SLC20A2: variants seen among roughly 807,000 people sequenced by gnomAD.
SLC20A2 encodes solute carrier family 20 member 2.
A neutral mutation model predicts 61.0 loss-of-function variants in SLC20A2; 30 were observed. That is an observed-to-expected ratio of 0.49 (90% CI 0.37 to 0.67). The LOEUF (loss-of-function observed/expected upper bound fraction) is 0.67, where lower values mean the gene tolerates loss of function less well. Among genes scored for constraint, SLC20A2 ranks in the 30% least tolerant of loss-of-function variants. SLC20A2 has a pLI of 0.00. For synonymous variants in SLC20A2, 351 were observed against 353.3 expected (o/e 0.99, Z 0.07); for missense variants, 626 against 866.4 (o/e 0.72, Z 3.48).
intron 8 of SLC20A2, among the ~76,000 whole-genome samples, chr8:42,434,311 G>A (rs1804078226): frequency 1.3e-5 from 2 of 152,182 alleles, no homozygotes; most frequent in Non-Finnish European, 1.5e-5. Context: ...GGTCTTGAAC[G>A]CCCGACCTCA....
At chr8:42,436,251 T>C (rs886564753) in intron 8 of SLC20A2, among the ~76,000 whole-genome samples, 1 of 152,078 alleles carries the variant, frequency 6.6e-6, no homozygotes, top group Non-Finnish European at 1.5e-5. Flanking sequence ...TCCACCCACG[T>C]TACCTGCTCT....
intron 1 of SLC20A2, among the ~76,000 whole-genome samples, chr8:42,516,558 A>G (rs1811333054): frequency 6.6e-6 from 1 of 152,180 alleles, no homozygotes; most frequent in South Asian, 2.1e-4. Flanking sequence ...CCAAGTAAAA[A>G]TCCTTTGCCT....
intron 1 of SLC20A2, among the ~76,000 whole-genome samples, chr8:42,476,598 C>T (rs556052467): frequency 6.6e-6 from 1 of 152,224 alleles, no homozygotes; most frequent in Admixed American, 6.5e-5. Flanking sequence ...CGTTGTTAAT[C>T]ATCTTGATGT....
At chr8:42,433,086 A>G (rs535714393) in intron 8 of SLC20A2, among the ~76,000 whole-genome samples, 290 of 152,298 alleles carry the variant, frequency 1.9e-3, no homozygotes, top group Non-Finnish European at 3.0e-3. Context: ...ATTTTGGTAA[A>G]AAGCATAACA....
rs574395400 is a variant in SLC20A2 at position 42,455,314 on chromosome 8, T to G, written c.613+4582A>C. 2.1e-4 allele frequency among the ~76,000 whole-genome samples: 29 copies of G among 138,094 alleles called. 1 individual carries two copies. In the South Asian group the frequency reaches 6.5e-3, roughly 31 times the overall value. 90.6% of individuals were successfully genotyped at this position (138,094 alleles called of 152,430 possible). Reference sequence around the variant, plus strand: ...GAGAGCGTGCGCATGCACTCCAGGTTCCCAAATATACCAGAAGACATTTTA... The same window carrying G: ...GAGAGCGTGCGCATGCACTCCAGGTGCCCAAATATACCAGAAGACATTTTA... On this transcript the variant is annotated intron_variant, in intron 5 of 10. Transcript: ENST00000520262.
In SLC20A2 at chr8:42,460,729, C is replaced by G. The variant is rs147866477; in HGVS notation, c.517-737G>C. On this transcript the variant is annotated intron_variant, in intron 4 of 10. Coordinates refer to ENST00000520262, the MANE Select transcript of SLC20A2 (RefSeq NM_001257180.2). ...GCGCATGTTTTCAGTTAAATAACAT[C>G]TAAGAGAATATGAGGCATTTAGAGT... Among the ~76,000 whole-genome samples, 1,491 of 152,248 alleles carry G rather than the reference C, an allele frequency of 9.8e-3. 33 individuals are homozygous for G. Among genetic ancestry groups the G allele is most frequent in the African/African-American group, 0.033 (1,365 of 41,512 alleles).
chr8:42,429,569 G>A (rs1339370293), intron 9 of SLC20A2, among the ~76,000 whole-genome samples: 1 of 152,230 alleles, frequency 6.6e-6, no homozygotes, highest in Non-Finnish European at 1.5e-5. Context: ...TGAAGGCTAT[G>A]CGGTTGAGAG....
chr8:42,475,399 C>A (rs1158736383), intron 1 of SLC20A2, among the ~76,000 whole-genome samples: 2 of 150,952 alleles, frequency 1.3e-5, no homozygotes, highest in African/African-American at 4.9e-5. Flanking sequence ...CATGCCCGGC[C>A]CAGACTTAGG....
rs1403818791 is a variant in SLC20A2, at chr8:42,417,818, G to A, written c.1944C>T (p.Ile648=). ...AAVMALLMYG[I]LPYV is the part of the protein sequence containing the mutation. ...AGAAGACAAATCACACATATGGAAG[G>A]ATCCCATACATGAGAAGAGCCATGA... The change falls in exon 11 of 11, where the codon ATC becomes ATT. Residue 648 remains isoleucine, a synonymous_variant. Transcript: ENST00000520262. 1.2e-6 allele frequency: 2 copies of A among 1,613,894 alleles called. No individual in the cohort carries two copies. Among genetic ancestry groups the A allele is most frequent in the Admixed American group, 3.3e-5 (2 of 60,004 alleles).
At chr8:42,424,194 G>A (rs1563437313) in intron 10 of SLC20A2, among the ~76,000 whole-genome samples, 1 of 152,174 alleles carries the variant, frequency 6.6e-6, no homozygotes, top group East Asian at 1.9e-4. Context: ...TATCTGCTAG[G>A]GCTAAAGACC....
At chr8:42,421,314 C>T (rs1225434460) in intron 10 of SLC20A2, among the ~76,000 whole-genome samples, 2 of 152,216 alleles carry the variant, frequency 1.3e-5, no homozygotes, top group Non-Finnish European at 2.9e-5. Flanking sequence ...TATAAGAACA[C>T]ACCATGTGCC....
At chr8:42,509,110 A>C (rs1021664017) in intron 1 of SLC20A2, among the ~76,000 whole-genome samples, 1 of 152,246 alleles carries the variant, frequency 6.6e-6, no homozygotes, top group South Asian at 2.1e-4. Context: ...CCTGGTATAA[A>C]TGTTTTGTTA....
intron 1 of SLC20A2, among the ~76,000 whole-genome samples, chr8:42,512,067 T>TTA (rs771952731): frequency 7.6e-4 from 116 of 152,320 alleles, no homozygotes; most frequent in Non-Finnish European, 9.8e-4. Context: ...TCATGGTTGA[T>TTA]TGTAGACTGC....
intron 3 of SLC20A2, among the ~76,000 whole-genome samples, chr8:42,464,823 A>G (rs1292647737): frequency 1.3e-5 from 2 of 151,918 alleles, no homozygotes; most frequent in Non-Finnish European, 2.9e-5. Context: ...AATACAAAAG[A>G]AATGAGCTGG....
At chr8:42,454,500 G>A (rs1696674245) in intron 5 of SLC20A2, among the ~76,000 whole-genome samples, 3 of 152,212 alleles carry the variant, frequency 2.0e-5, no homozygotes, top group East Asian at 1.9e-4. Flanking sequence ...TGGGAGGGGA[G>A]GTGATGTCAC....
chr8:42,535,942 A>ACAT lies in SLC20A2; in HGVS notation c.-265+5876_-265+5878dup, dbSNP rs372720030. Among the ~76,000 whole-genome samples, 1,297 of 152,306 alleles carry ACAT rather than the reference A, an allele frequency of 8.5e-3. 10 individuals carry two copies. Among genetic ancestry groups the ACAT allele is most frequent in the African/African-American group, 0.03 (1,246 of 41,554 alleles). On this transcript the variant is annotated intron_variant, in intron 1 of 10. Transcript: ENST00000342228. ...CAGCTCTCCAACCCTAAAATTCATA[A>ACAT]CATGGGACTGGTAGAGATTTCATTA...
chr8:42,419,106 C>G (rs1019898423), intron 10 of SLC20A2, among the ~76,000 whole-genome samples: 5 of 151,550 alleles, frequency 3.3e-5, no homozygotes, highest in African/African-American at 9.7e-5. Flanking sequence ...TAGAGAAAAG[C>G]TGCAAGAACT....
chr8:42,455,255 TATAGAG>T (rs1287303120), intron 5 of SLC20A2, among the ~76,000 whole-genome samples: 130 of 97,042 alleles, frequency 1.3e-3, no homozygotes, highest in Non-Finnish European at 1.8e-3. Context: ...TATATATATA[TATAGAG>T]AGAGAGAGAG....
chr8:42,435,021 T>C (rs980675604), intron 8 of SLC20A2, among the ~76,000 whole-genome samples: 1 of 152,180 alleles, frequency 6.6e-6, no homozygotes, highest in Non-Finnish European at 1.5e-5. Context: ...TTTAAACTTC[T>C]AATGGACGAG....
Sources: gnomAD v4.1 joint callset for allele counts (sites outside exome capture counted in the v4.1 genomes callset) on GRCh38, gnomAD v4.1.1 for gene constraint, MANE v1.5 for transcripts, NCBI Gene and HGNC (gene_info 2026-07-23, HGNC 2026-07-21) for gene names.